ELMO2: variants seen among roughly 807,000 people sequenced by gnomAD.
ELMO2 encodes the protein engulfment and cell motility protein 2.
ELMO2 carries 37 observed loss-of-function variants against 96.2 expected under a neutral mutation model. The ratio of observed to expected loss-of-function variants is 0.38; its 90% CI spans 0.30 to 0.51. The LOEUF (loss-of-function observed/expected upper bound fraction) is 0.51, where lower values mean the gene tolerates loss of function less well. ELMO2 is among the 20% of genes least tolerant of loss of function. ELMO2 has a pLI of 0.88. For synonymous variants in ELMO2, 315 were observed against 329.4 expected, an observed-to-expected ratio of 0.96 and a Z score of 0.47; for missense variants, 561 against 912.6, an observed-to-expected ratio of 0.61 and a Z score of 4.96.
intron 1 of ELMO2, among the ~76,000 whole-genome samples, chr20:46,403,913 G>A (rs573464338): frequency 3.9e-5 from 6 of 152,164 alleles, no homozygotes; most frequent in East Asian, 1.9e-4. Context: ...GTGAAACCCC[G>A]TCTCTACTAA....
rs938241251 is a variant in ELMO2 at position 46,393,461 on chromosome 20, G to T, written c.192+68C>A. The T allele has an allele frequency of 1.0e-5, 16 of 1,525,958 alleles. No individual in the cohort carries two copies. The South Asian group carries it at 1.7e-4, about 16-fold the overall frequency. 94.5% of individuals were successfully genotyped at this position (1,525,958 alleles called of 1,614,324 possible). A position where few individuals can be genotyped will look rare whatever the true frequency, so the allele number is the denominator to read the frequency against. ...CCTGGATGCTGAGTGAAGATAAATA[G>T]TGCCGTCTCCTTGGGTCGTTTAATT... On this transcript the variant is annotated intron_variant, in intron 5 of 21. Transcript: ENST00000290246.
In ELMO2 at chr20:46,370,025, T is replaced by C. The variant is rs987963445; in HGVS notation, c.1884+418A>G. 481 of 355,092 alleles carry C rather than the reference T, an allele frequency of 1.4e-3. 6 individuals are homozygous for C. Among genetic ancestry groups the C allele is most frequent in the South Asian group, 6.2e-4 (28 of 44,952 alleles). The allele number at this position is 355,092 out of a possible 1,614,324, so 22.0% of individuals were successfully genotyped here. On this transcript the variant is annotated intron_variant, in intron 20 of 21. Coordinates refer to ENST00000290246, the MANE Select transcript of ELMO2 (RefSeq NM_133171.5). ...GTGTGTATCCATATAAACATTTATA[T>C]ATCTGTAGAGAAATTATGACATTTA...
rs1258165003 is a variant in ELMO2 at position 46,374,647 on chromosome 20, A to C, written c.1066-7T>G. ...TGGCTGGATTGATGTGGTTCTAGAG[A>C]AATAAAGACACCCAATTTGAGATGC... On this transcript the variant is annotated splice_polypyrimidine_tract_variant and splice_region_variant and intron_variant, in intron 13 of 21. Transcript: ENST00000290246. 3 of 1,613,362 alleles carry C rather than the reference A, an allele frequency of 1.9e-6. No individual in the cohort carries two copies. The highest frequency in any genetic ancestry group is 2.5e-6 in the Non-Finnish European group (3 of 1,179,472).
rs752402839 is a variant in ELMO2 at position 46,370,566 on chromosome 20, C to T, written c.1802-41G>A. The T allele has an allele frequency of 5.0e-6, 8 of 1,592,440 alleles. No individual in the cohort carries two copies. The African/African-American group carries it at 1.1e-4, about 21-fold the overall frequency. ...AATTAGTCTCTGGAAGTTCATGCTG[C>T]AAGCTGGTCAGTGCCTACATCAGTG... On this transcript the variant is annotated intron_variant, in intron 19 of 21. Transcript: ENST00000290246.
intron 1 of ELMO2, among the ~76,000 whole-genome samples, chr20:46,404,691 CTG>C (rs745370000): frequency 3.1e-4 from 47 of 152,288 alleles, no homozygotes; most frequent in Admixed American, 1.0e-3. Flanking sequence ...AGGCTGCCCT[CTG>C]TGTAAAATAC....
At chr20:46,382,888 C>A (rs547865021) in intron 10 of ELMO2, among the ~76,000 whole-genome samples, 118 of 152,256 alleles carry the variant, frequency 7.8e-4, no homozygotes, top group African/African-American at 2.8e-3. Context: ...CATCAGAGAA[C>A]CTTTAAACCT....
chr20:46,403,971 C>A (rs1452602839), intron 1 of ELMO2, among the ~76,000 whole-genome samples: 2 of 152,184 alleles, frequency 1.3e-5, no homozygotes, highest in Non-Finnish European at 2.9e-5. Context: ...GTAATCCCAG[C>A]CACTCAGGAG....
intron 15 of ELMO2, 117 bp from the exon 16 acceptor site, chr20:46,373,652 A>G (rs1228536573): frequency 1.5e-6 from 2 of 1,329,592 alleles, no homozygotes; most frequent in Non-Finnish European, 2.1e-6. Context: ...AAGGCGCGCA[A>G]TTAACAGGGA....
intron 6 of ELMO2, among the ~76,000 whole-genome samples, chr20:46,392,328 C>A (rs1338177023): frequency 1.3e-5 from 2 of 152,132 alleles, no homozygotes; most frequent in African/African-American, 4.8e-5. Context: ...TAGCATATCA[C>A]CATACTCATA....
intron 6 of ELMO2, among the ~76,000 whole-genome samples, chr20:46,391,896 C>T (rs2060156631): frequency 6.8e-6 from 1 of 146,954 alleles, no homozygotes; most frequent in African/African-American, 2.7e-5. Context: ...TTTTAAAAAG[C>T]ACATCTTTTT....
rs147152999 is a variant in ELMO2, at chr20:46,394,081, G to C, written c.87C>G (p.Pro29=). 995 of 1,613,796 alleles carry C rather than the reference G, an allele frequency of 6.2e-4. No individual in the cohort carries two copies. Among genetic ancestry groups the C allele is most frequent in the Non-Finnish European group, 7.6e-4 (894 of 1,179,908 alleles). The change falls in exon 4 of 22, where the codon CCC becomes CCG. Residue 29 remains proline (P), a synonymous_variant. Coordinates refer to ENST00000290246, the MANE Select transcript of ELMO2 (RefSeq NM_133171.5). ...AAACTTCCTTGATAATGGATGCCAG[G>C]GGCCGTTTCTGAAAGAGAGAGAGAG... ...AQLLEIDQKR[P]LASIIKEVCD...
chr20:46,373,488 G>A lies in ELMO2; in HGVS notation c.1327C>T (p.Arg443Ter), dbSNP rs2059774901. Residue 443 changes from arginine to a stop codon, truncating the protein, a stop_gained, in exon 16 of 22, where the codon CGA becomes TGA. Coordinates refer to ENST00000290246, the MANE Select transcript of ELMO2 (RefSeq NM_133171.5). LOFTEE classifies it high-confidence loss of function. Reference sequence around the variant, plus strand: ...ATTCCAAAGAGCTCTTCAAAGGCTCGGTCATGGGTAAAGAACATCGGGTGG... The same window carrying A: ...ATTCCAAAGAGCTCTTCAAAGGCTCAGTCATGGGTAAAGAACATCGGGTGG... ...DYHPMFFTHD[R>*]AFEELFGICI... is the part of the protein sequence containing the mutation. 1 of 1,614,168 alleles carries A rather than the reference G, an allele frequency of 6.2e-7. No homozygotes were observed. The highest frequency in any genetic ancestry group is 8.5e-7 in the Non-Finnish European group (1 of 1,180,036).
At chr20:46,378,740 T>A (rs1158060805) in intron 11 of ELMO2, among the ~76,000 whole-genome samples, 1 of 152,228 alleles carries the variant, frequency 6.6e-6, no homozygotes, top group African/African-American at 2.4e-5. Context: ...GTTCTGCCAA[T>A]ACGAGCAAAG....
At position 46,374,098 on chromosome 20, in the gene ELMO2, GTTTTTTT is replaced by G. The variant is rs60843274; in HGVS notation, c.1279+227_1279+233del. 2.2e-4 allele frequency among the ~76,000 whole-genome samples: 14 copies of G among 63,030 alleles called. No homozygotes were observed. In the Admixed American group the frequency reaches 2.6e-3, roughly 12 times the overall value. 41.4% of individuals were successfully genotyped at this position (63,030 alleles called of 152,430 possible). A position where few individuals can be genotyped will look rare whatever the true frequency, so the allele number is the denominator to read the frequency against. ...TGCACTACCAGTTGGCTAATTTTTG[GTTTTTTT>G]TTTTTTTTTTTTTTTTTTTAGAGAT... On this transcript the variant is annotated intron_variant, in intron 15 of 21. Transcript: ENST00000290246.
intron 1 of ELMO2, among the ~76,000 whole-genome samples, chr20:46,405,640 C>T (rs1268971026): frequency 6.6e-6 from 1 of 152,166 alleles, no homozygotes; most frequent in Admixed American, 6.5e-5. Context: ...GTAATCCCAG[C>T]ACTCTGGGAG....
rs1368787428 is a variant in ELMO2, at chr20:46,368,887, T to C, written c.1962+4A>G. 3 of 1,613,796 alleles carry C rather than the reference T, an allele frequency of 1.9e-6. No individual in the cohort carries two copies. In the Admixed American group the frequency reaches 5.0e-5, roughly 27 times the overall value. On this transcript the variant is annotated splice_donor_region_variant and intron_variant, in intron 21 of 21. Coordinates refer to ENST00000290246, the MANE Select transcript of ELMO2 (RefSeq NM_133171.5). Reference sequence around the variant, plus strand: ...GTTGTCTAAGGCAGCGCCACACTGCTCACCTCATATTTATTAGGTGCGATG... The same window carrying C: ...GTTGTCTAAGGCAGCGCCACACTGCCCACCTCATATTTATTAGGTGCGATG...
At position 46,393,714 on chromosome 20, in the gene ELMO2, A is replaced by G. The variant is rs1408587108; in HGVS notation, c.120-113T>C. ...GGATTGGGTGGCCTATTTGGAATAC[A>G]GTGGAAACAAAGCTTTAGGTTGTCA... On this transcript the variant is annotated intron_variant, in intron 4 of 21. Transcript: ENST00000290246. The G allele has an allele frequency of 9.4e-6, 11 of 1,175,552 alleles. No homozygotes were observed. In the East Asian group the frequency reaches 2.3e-4, roughly 25 times the overall value. 72.8% of individuals were successfully genotyped at this position (1,175,552 alleles called of 1,614,324 possible). A position where few individuals can be genotyped will look rare whatever the true frequency, so the allele number is the denominator to read the frequency against.
In ELMO2 at chr20:46,366,230, G is replaced by A. The variant is rs924429887; in HGVS notation, c.*1130C>T. 2.6e-5 allele frequency: 4 copies of A among 152,442 alleles called. No individual in the cohort carries two copies. Among genetic ancestry groups the A allele is most frequent in the Non-Finnish European group, 4.4e-5 (3 of 68,020 alleles). The allele number at this position is 152,442 out of a possible 1,614,324, so 9.4% of individuals were successfully genotyped here. On this transcript the variant is annotated 3_prime_UTR_variant, in exon 22 of 22. Coordinates refer to ENST00000290246, the MANE Select transcript of ELMO2 (RefSeq NM_133171.5). The stretch of plus-strand genomic sequence containing the variant: ...AGATCTTATATAAATATATATACAC[G>A]TCTGTATAAGTATGGCCTATAGTAA...
intron 8 of ELMO2, 115 bp downstream of exon 8, chr20:46,387,223 C>T (rs541104675): frequency 8.5e-6 from 7 of 819,306 alleles, no homozygotes; most frequent in East Asian, 5.4e-5. Context: ...AAAATCTGGC[C>T]CCAGGGAATA....
Sources: gnomAD v4.1 joint callset for allele counts (sites outside exome capture counted in the v4.1 genomes callset) on GRCh38, gnomAD v4.1.1 for gene constraint, MANE v1.5 for transcripts, NCBI Gene and HGNC (gene_info 2026-07-23, HGNC 2026-07-21) for gene names.